The following CYP4Z1 variants were observed in gnomAD, a reference collection of about 807,000 sequenced individuals.
CYP4Z1 encodes the protein cytochrome P450 4Z1.
In CYP4Z1, 41 loss-of-function variants were observed where a neutral mutation model predicts 54.2. That is an observed-to-expected ratio of 0.76 (90% CI 0.59 to 0.98). The LOEUF (loss-of-function observed/expected upper bound fraction) is 0.98, where lower values mean the gene tolerates loss of function less well. CYP4Z1 is among the 50% of genes least tolerant of loss of function. The pLI, the probability that CYP4Z1 is intolerant of heterozygous loss-of-function variation, is 0.00. For synonymous variants in CYP4Z1, 163 were observed against 206.2 expected, an observed-to-expected ratio of 0.79 and a Z score of 1.79; for missense variants, 513 against 599.0, an observed-to-expected ratio of 0.86 and a Z score of 1.50.
chr1:47,095,175 A>G (rs1264988011), intron 7 of CYP4Z1, among the ~76,000 whole-genome samples: 1 of 152,138 alleles, frequency 6.6e-6, no homozygotes, highest in Non-Finnish European at 1.5e-5. Flanking sequence ...TTCTTCCTCG[A>G]CATGTGGTCT....
At chr1:47,085,874 T>C (rs1644590446) in intron 6 of CYP4Z1, among the ~76,000 whole-genome samples, 1 of 119,690 alleles carries the variant, frequency 8.4e-6, no homozygotes, top group Non-Finnish European at 1.6e-5. Flanking sequence ...CCCCAGTGTG[T>C]GATGTTCCCC....
chr1:47,058,140 CAG>C, the CYP4Z1 span, among the ~76,000 whole-genome samples: 1 of 152,094 alleles, frequency 6.6e-6, no homozygotes, highest in East Asian at 1.9e-4. Context: ...TCTCCTGAAT[CAG>C]GGCATCATAT....
the CYP4Z1 span, among the ~76,000 whole-genome samples, chr1:47,061,346 G>A: frequency 8.5e-4 from 129 of 152,170 alleles, no homozygotes; most frequent in African/African-American, 3.0e-3. Context: ...ATAACAAAGA[G>A]GATGCTACCA....
At chr1:47,098,250 G>A (rs894101358) in intron 7 of CYP4Z1, among the ~76,000 whole-genome samples, 1 of 152,168 alleles carries the variant, frequency 6.6e-6, no homozygotes, top group Non-Finnish European at 1.5e-5. Flanking sequence ...CTATCCATGA[G>A]CATGGAATGC....
chr1:47,087,216 T>C (rs1364522762), intron 6 of CYP4Z1, among the ~76,000 whole-genome samples: 2 of 152,192 alleles, frequency 1.3e-5, no homozygotes, highest in Non-Finnish European at 2.9e-5. Flanking sequence ...AGTAGTTTTT[T>C]TCCAATTCTG....
intron 4 of CYP4Z1, among the ~76,000 whole-genome samples, chr1:47,082,918 A>C (rs1644565479): frequency 6.6e-6 from 1 of 151,182 alleles, no homozygotes; most frequent in South Asian, 2.1e-4. Context: ...TCAAGGAGAA[A>C]AGGGAGCTTT....
intron 2 of CYP4Z1, among the ~76,000 whole-genome samples, chr1:47,074,179 A>T (rs1175711009): frequency 1.3e-5 from 2 of 151,908 alleles, no homozygotes; most frequent in Non-Finnish European, 2.9e-5. Flanking sequence ...ATTAAGAGGT[A>T]CATGTGCAGG....
intron 9 of CYP4Z1, among the ~76,000 whole-genome samples, chr1:47,111,016 T>G (rs1644788688): frequency 6.6e-6 from 1 of 151,972 alleles, no homozygotes; most frequent in Non-Finnish European, 1.5e-5. Context: ...ACTGTTATGG[T>G]GTTCCAGTTG....
intron 6 of CYP4Z1, among the ~76,000 whole-genome samples, chr1:47,092,633 T>C (rs1302017456): frequency 4.9e-4 from 75 of 151,648 alleles, no homozygotes; most frequent in African/African-American, 1.7e-3. Flanking sequence ...TCTCTCCCAA[T>C]TGGGAATGGT....
chr1:47,102,222 A>C (rs1644726804), intron 8 of CYP4Z1, among the ~76,000 whole-genome samples: 1 of 152,144 alleles, frequency 6.6e-6, no homozygotes, highest in South Asian at 2.1e-4. Context: ...TATACCTTTT[A>C]AGTGGAAATT....
upstream of CYP4Z1, among the ~76,000 whole-genome samples, chr1:47,065,728 T>C (rs1010797037): frequency 6.6e-6 from 1 of 151,550 alleles, no homozygotes; most frequent in Non-Finnish European, 1.5e-5. Context: ...AAAAAATAAA[T>C]GAAATGAAAA....
At chr1:47,096,527 G>C (rs868735301) in intron 7 of CYP4Z1, 7 of 152,090 alleles carry the variant, frequency 4.6e-5, no homozygotes, top group South Asian at 2.1e-4. Flanking sequence ...GGTACATGTG[G>C]AGGATGTGCA....
In CYP4Z1 at chr1:47,084,884, G is replaced by T. The variant is rs770687313; in HGVS notation, c.678G>T (p.Met226Ile). Residue 226 changes from methionine (M) to isoleucine (I), a missense_variant, in exon 6 of 12, where the codon ATG becomes ATT. Met to Ile is a conservative substitution (Grantham distance 10, BLOSUM62 1). Transcript: ENST00000334194. ...FNLSKISNQR[M>I]NNFLHHNDLV... ...TTAGCAAAATCTCCAACCAGCGCATGAACAATTTTCTACATCACAACGACC... is the reference window on the plus strand; with the variant it reads ...TTAGCAAAATCTCCAACCAGCGCATTAACAATTTTCTACATCACAACGACC... 2 of 1,539,744 alleles carry T rather than the reference G, an allele frequency of 1.3e-6. No individual in the cohort carries two copies. Among genetic ancestry groups the T allele is most frequent in the East Asian group, 2.3e-5 (1 of 44,046 alleles).
chr1:47,093,419 T>G (rs1295456741), intron 6 of CYP4Z1, among the ~76,000 whole-genome samples: 5 of 152,212 alleles, frequency 3.3e-5, no homozygotes, highest in Non-Finnish European at 4.4e-5. Flanking sequence ...CCACCTTGTG[T>G]CATTCCTCTT....
chr1:47,064,763 G>C (rs1179374172), upstream of CYP4Z1, among the ~76,000 whole-genome samples: 1 of 152,074 alleles, frequency 6.6e-6, no homozygotes, highest in Non-Finnish European at 1.5e-5. Flanking sequence ...CAGCAGAATG[G>C]ATAAGAAATT....
At position 47,068,656 on chromosome 1, in the gene CYP4Z1, A is replaced by C; in HGVS notation, c.212A>C (p.Lys71Thr). ...GTAAAGGAGTTTGAGGTGTATCATA[A>C]GCTGATGGAAAAATACCCATGTGCT... ...YPVKEFEVYH[K>T]LMEKYPCAVP... The change falls in exon 2 of 12, where the codon AAG becomes ACG. Residue 71 changes from lysine (K) to threonine (T), a missense_variant. Physicochemically the swap from Lys to Thr is moderately conservative, Grantham distance 78. Coordinates refer to ENST00000334194, the MANE Select transcript of CYP4Z1 (RefSeq NM_178134.3). 6.2e-7 allele frequency: 1 copy of C among 1,614,164 alleles called. No individual in the cohort carries two copies. Among genetic ancestry groups the C allele is most frequent in the Non-Finnish European group, 8.5e-7 (1 of 1,180,004 alleles).
intron 8 of CYP4Z1, among the ~76,000 whole-genome samples, chr1:47,102,495 C>G (rs1644728776): frequency 6.6e-6 from 1 of 152,124 alleles, no homozygotes; most frequent in African/African-American, 2.4e-5. Flanking sequence ...GTATAGGACT[C>G]CCTTGAGCAT....
chr1:47,056,465 T>C, the CYP4Z1 span, among the ~76,000 whole-genome samples: 2 of 152,180 alleles, frequency 1.3e-5, no homozygotes, highest in African/African-American at 4.8e-5. Context: ...GTTCAATTCC[T>C]GGATATCCTT....
intron 6 of CYP4Z1, among the ~76,000 whole-genome samples, chr1:47,090,508 C>T (rs1196049156): frequency 6.6e-6 from 1 of 152,122 alleles, no homozygotes; most frequent in Admixed American, 6.5e-5. Context: ...GTTACAAATG[C>T]GATTCTACGA....
Sources: allele counts gnomAD v4.1 joint callset (sites outside exome capture counted in the v4.1 genomes callset), GRCh38; gene constraint gnomAD v4.1.1; transcripts MANE v1.5; gene names NCBI Gene and HGNC (gene_info 2026-07-23, HGNC 2026-07-21).